Variants in LNX2 observed in about 807,000 individuals in gnomAD.
LNX2 encodes the protein ligand of numb-protein X 2, also known as ligand of Numb protein X 2.
In LNX2, 35 loss-of-function variants were observed where a neutral mutation model predicts 66.2. The ratio of observed to expected loss-of-function variants is 0.53; its 90% CI spans 0.40 to 0.70. The LOEUF (loss-of-function observed/expected upper bound fraction) is 0.70. Among genes scored for constraint, LNX2 ranks in the 30% least tolerant of loss-of-function variants. The pLI, the probability that LNX2 is intolerant of heterozygous loss-of-function variation, is 0.00. For synonymous variants in LNX2, 337 were observed against 315.6 expected (o/e 1.07, Z -0.72); for missense variants, 791 against 850.8 (o/e 0.93, Z 0.87).
chr13:27,583,261 C>CGCGCGCGCGCGCGCGCGCGCGCGCGT lies in LNX2; in HGVS notation c.-100-1459_-100-1458insACGCGCGCGCGCGCGCGCGCGCGCGC, dbSNP rs11281345. 2.2e-4 allele frequency among the ~76,000 whole-genome samples: 10 copies of CGCGCGCGCGCGCGCGCGCGCGCGCGT among 45,480 alleles called. 3 individuals are homozygous for CGCGCGCGCGCGCGCGCGCGCGCGCGT. Among genetic ancestry groups the CGCGCGCGCGCGCGCGCGCGCGCGCGT allele is most frequent in the African/African-American group, 3.4e-4 (4 of 11,766 alleles). 29.8% of individuals were successfully genotyped at this position (45,480 alleles called of 152,430 possible). On this transcript the variant is annotated intron_variant, in intron 1 of 9. Transcript: ENST00000316334. ...GTGTGTGTGTGTGTGTGTGTGCGCG[C>CGCGCGCGCGCGCGCGCGCGCGCGCGT]GTCCTCTCCAACATACTTATTTTTA...
chr13:27,589,371 T>C (rs531639058), intron 1 of LNX2, among the ~76,000 whole-genome samples: 1 of 152,338 alleles, frequency 6.6e-6, no homozygotes, highest in East Asian at 1.9e-4. Flanking sequence ...ATTAATCACA[T>C]ACACACACAG....
chr13:27,581,981 A>G (rs1219212909), intron 1 of LNX2, among the ~76,000 whole-genome samples, 178 bp from the exon 2 acceptor site: 1 of 152,206 alleles, frequency 6.6e-6, no homozygotes, highest in Non-Finnish European at 1.5e-5. Context: ...AAGGACTTAC[A>G]CTGCCAAGTT....
intron 1 of LNX2, among the ~76,000 whole-genome samples, chr13:27,590,977 CAT>C (rs67408539): frequency 0.1 from 15,927 of 151,978 alleles, 867 homozygotes; most frequent in Middle Eastern, 0.13. Flanking sequence ...TGTATATATA[CAT>C]ATATATGTGT....
At chr13:27,563,597 GATGAGCA>G (rs555521835) in intron 4 of LNX2, among the ~76,000 whole-genome samples, 46 of 152,224 alleles carry the variant, frequency 3.0e-4, no homozygotes, top group Admixed American at 2.2e-3. Context: ...AGTTACAAGA[GATGAGCA>G]TGATTCTTAG....
intron 1 of LNX2, 111 bp from the exon 2 acceptor site, chr13:27,581,914 T>C (rs1429620867): frequency 3.0e-5 from 12 of 400,028 alleles, no homozygotes; most frequent in African/African-American, 2.3e-4. Flanking sequence ...AAATTAAAGG[T>C]TGAATCAGGT....
At chr13:27,606,553 C>T (rs1206250417) in intron 1 of LNX2, among the ~76,000 whole-genome samples, 7 of 151,996 alleles carry the variant, frequency 4.6e-5, no homozygotes, top group Non-Finnish European at 1.0e-4. Context: ...CAAAGTAAAA[C>T]AAATTTTGCA....
intron 1 of LNX2, among the ~76,000 whole-genome samples, chr13:27,599,618 G>A (rs1955635147): frequency 6.6e-6 from 1 of 152,104 alleles, no homozygotes; most frequent in African/African-American, 2.4e-5. Context: ...GCTATAATTA[G>A]GAAGTAAGTT....
chr13:27,615,520 C>A (rs1955817055), intron 1 of LNX2, among the ~76,000 whole-genome samples: 1 of 152,170 alleles, frequency 6.6e-6, no homozygotes, highest in African/African-American at 2.4e-5. Flanking sequence ...CCTTCAGCTC[C>A]TCTGCCCTCC....
At position 27,546,491 on chromosome 13, in the gene LNX2, G is replaced by T. The variant is rs1259300969; in HGVS notation, c.*1844C>A. 6.6e-6 allele frequency: 1 copy of T among 152,144 alleles called. No homozygotes were observed. The highest frequency in any genetic ancestry group is 1.5e-5 in the Non-Finnish European group (1 of 68,020). The allele number at this position is 152,144 out of a possible 1,614,324, so 9.4% of individuals were successfully genotyped here. A position where few individuals can be genotyped will look rare whatever the true frequency, so the allele number is the denominator to read the frequency against. On this transcript the variant is annotated 3_prime_UTR_variant, in exon 10 of 10. Transcript: ENST00000316334. ...ATTCCACTGTATCTTGTTATATGTT[G>T]ATCATACAGTGTAACTAAGGGGTTG... is the stretch of plus-strand genomic sequence containing the variant.
At chr13:27,600,143 G>C (rs568222306) in intron 1 of LNX2, among the ~76,000 whole-genome samples, 1 of 152,222 alleles carries the variant, frequency 6.6e-6, no homozygotes, top group East Asian at 1.9e-4. Flanking sequence ...GGTTACTCTG[G>C]AGAGCTCACA....
Position 27,562,738 on chromosome 13 carries a change from C to T in LNX2, c.899G>A (p.Arg300Gln), listed in dbSNP as rs766636544. The T allele has an allele frequency of 5.0e-6, 8 of 1,613,952 alleles. No individual in the cohort carries two copies. Among genetic ancestry groups the T allele is most frequent in the Admixed American group, 1.7e-5 (1 of 60,010 alleles). The change falls in exon 5 of 10, where the codon CGA becomes CAA. Residue 300 changes from arginine to glutamine, a missense_variant. Transcript: ENST00000316334. ...NISNVSHNYARAVLSQPCNTL... is the reference protein window; with the variant it reads ...NISNVSHNYAQAVLSQPCNTL... The stretch of plus-strand genomic sequence containing the variant: ...GTTGCAGGGCTGGGAAAGGACAGCT[C>T]GGGCATAGTTATGGGACACATTGCT...
chr13:27,605,814 G>A (rs1168301499), intron 1 of LNX2, among the ~76,000 whole-genome samples: 1 of 152,108 alleles, frequency 6.6e-6, no homozygotes, highest in Non-Finnish European at 1.5e-5. Flanking sequence ...GCACAATTCT[G>A]TCCACTTATA....
At chr13:27,552,866 C>T (rs1052121409) in intron 8 of LNX2, among the ~76,000 whole-genome samples, 28 of 152,174 alleles carry the variant, frequency 1.8e-4, no homozygotes, top group African/African-American at 6.8e-4. Context: ...CAAGATTGGC[C>T]TGGGTTTTCT....
intron 1 of LNX2, among the ~76,000 whole-genome samples, chr13:27,614,750 T>G (rs1955808792): frequency 6.6e-6 from 1 of 152,176 alleles, no homozygotes; most frequent in African/African-American, 2.4e-5. Flanking sequence ...CAGTAATTAT[T>G]TATTGGTCTA....
intron 1 of LNX2, among the ~76,000 whole-genome samples, chr13:27,590,303 C>T (rs112603648): frequency 0.089 from 13,498 of 152,104 alleles, 660 homozygotes; most frequent in Middle Eastern, 0.11. Context: ...GGTGCAATCT[C>T]GGCTCACTGC....
rs71083675 is a variant in LNX2, at chr13:27,560,565, G to GTATATATA, written c.1225-588_1225-581dup. The stretch of plus-strand genomic sequence containing the variant: ...ATAACAAGACTTTATATGTATGTGT[G>GTATATATA]TATATATATATATATATATAGCATA... On this transcript the variant is annotated intron_variant, in intron 5 of 9. Transcript: ENST00000316334. Among the ~76,000 whole-genome samples the GTATATATA allele has an allele frequency of 1.1e-3, 134 of 120,002 alleles. 5 individuals carry two copies. The highest frequency in any genetic ancestry group is 4.8e-3 in the Middle Eastern group (1 of 210). The allele number at this position is 120,002 out of a possible 152,430, so 78.7% of individuals were successfully genotyped here. A position where few individuals can be genotyped will look rare whatever the true frequency, so the allele number is the denominator to read the frequency against.
rs1955401385 is a variant in LNX2 at position 27,581,804 on chromosome 13, C to G, written c.-100-1G>C. 3 of 931,026 alleles carry G rather than the reference C, an allele frequency of 3.2e-6. No homozygotes were observed. The East Asian group carries it at 7.7e-5, about 24-fold the overall frequency. 57.7% of individuals were successfully genotyped at this position (931,026 alleles called of 1,614,324 possible). A position where few individuals can be genotyped will look rare whatever the true frequency, so the allele number is the denominator to read the frequency against. ...CTGACTAAAGTCAAGGTGTGTTTTTCTAGATAAGCAAAACAAACACATTAA... is the reference window on the plus strand; with the variant it reads ...CTGACTAAAGTCAAGGTGTGTTTTTGTAGATAAGCAAAACAAACACATTAA... On this transcript the variant is annotated splice_acceptor_variant, in intron 1 of 9. Transcript: ENST00000316334. LOFTEE classifies it low-confidence loss of function (5UTR_SPLICE).
rs1954965773 is a variant in LNX2, at chr13:27,548,235, G to GT, written c.*99dup. 1.7e-6 allele frequency: 2 copies of GT among 1,147,642 alleles called. No individual in the cohort carries two copies. Among genetic ancestry groups the GT allele is most frequent in the Admixed American group, 2.1e-5 (1 of 48,580 alleles). 71.1% of individuals were successfully genotyped at this position (1,147,642 alleles called of 1,614,324 possible). ...GGTTTTGGCCCTGTGTATACCAGCA[G>GT]TGTCAGCAGCTCCTAAACCACAAAC... is the stretch of plus-strand genomic sequence containing the variant. On this transcript the variant is annotated 3_prime_UTR_variant, in exon 10 of 10. Coordinates refer to ENST00000316334, the MANE Select transcript of LNX2 (RefSeq NM_153371.4).
At chr13:27,596,489 G>A (rs1955600368) in intron 1 of LNX2, among the ~76,000 whole-genome samples, 1 of 152,098 alleles carries the variant, frequency 6.6e-6, no homozygotes, top group Non-Finnish European at 1.5e-5. Context: ...TGGTGAACAG[G>A]AAAGGATCCC....
Sources: allele counts gnomAD v4.1 joint callset (sites outside exome capture counted in the v4.1 genomes callset), GRCh38; gene constraint gnomAD v4.1.1; transcripts MANE v1.5; gene names NCBI Gene and HGNC (gene_info 2026-07-23, HGNC 2026-07-21).